The following FBXO44 variants were observed in gnomAD, a reference collection of about 807,000 sequenced individuals.
FBXO44 encodes F-box only protein 44.
FBXO44 carries 25 observed loss-of-function variants against 33.5 expected under a neutral mutation model. The observed-to-expected ratio is 0.75, with a 90% CI of 0.54 to 1.04. The LOEUF (loss-of-function observed/expected upper bound fraction) is 1.04. Among genes scored for constraint, FBXO44 ranks in the 50% least tolerant of loss-of-function variants. FBXO44 has a pLI of 0.00. For missense variants in FBXO44, 311 were observed against 344.0 expected (o/e 0.90, Z 0.76); for synonymous variants, 147 against 152.8 (o/e 0.96, Z 0.28).
chr1:11,661,597 T>C lies in FBXO44; in HGVS notation c.*324T>C, dbSNP rs1640195109. 7.8e-6 allele frequency: 3 copies of C among 384,876 alleles called. No individual in the cohort carries two copies. The highest frequency in any genetic ancestry group is 6.0e-5 in the African/African-American group (3 of 49,682). The allele number at this position is 384,876 out of a possible 1,614,324, so 23.8% of individuals were successfully genotyped here. On this transcript the variant is annotated 3_prime_UTR_variant, in exon 6 of 6. Transcript: ENST00000251547. The surrounding 1 kb of genome is among the most constrained non-coding windows in gnomAD (Gnocchi z 4.4). ...AGTCGAGCTTGGAGGCCAGCCTGGA[T>C]CTGTCTCTCCCTTCCCCTCCTGGGA...
chr1:11,657,669 A>G (rs1336624929), intron 2 of FBXO44, among the ~76,000 whole-genome samples: 1 of 152,208 alleles, frequency 6.6e-6, no homozygotes, highest in East Asian at 1.9e-4. Context: ...GGAACCCAGG[A>G]GGCAGAGGTT....
Position 11,655,949 on chromosome 1 carries a change from G to T in FBXO44, c.114G>T (p.Arg38=), listed in dbSNP as rs376642695. ...LNCRLVCSLW[R]DLIDLVTLWK... ...GCCGCCTGGTCTGCAGCCTCTGGCG[G>T]GACCTCATCGACCTCGTGACCCTCT... is the stretch of plus-strand genomic sequence containing the variant. Residue 38 remains arginine, a synonymous_variant, in exon 2 of 6, where the codon CGG becomes CGT. Coordinates refer to ENST00000251547, the MANE Select transcript of FBXO44 (RefSeq NM_033182.7). 8.7e-6 allele frequency: 14 copies of T among 1,614,082 alleles called. No homozygotes were observed. Among genetic ancestry groups the T allele is most frequent in the African/African-American group, 8.0e-5 (6 of 75,056 alleles).
At chr1:11,656,386 G>T (rs1272200611) in intron 2 of FBXO44, among the ~76,000 whole-genome samples, 1 of 145,312 alleles carries the variant, frequency 6.9e-6, no homozygotes, top group Admixed American at 7.0e-5. Flanking sequence ...CACAATCTTG[G>T]CTCACTGTAA....
chr1:11,661,433 C>A lies in FBXO44; in HGVS notation c.*160C>A. Reference sequence around the variant, plus strand: ...GTGGAGCCTCTCAGTGTGGGCAGCCCTCGCATGCTGGGGTCGGGCCAGCTC... The same window carrying A: ...GTGGAGCCTCTCAGTGTGGGCAGCCATCGCATGCTGGGGTCGGGCCAGCTC... On this transcript the variant is annotated 3_prime_UTR_variant, in exon 6 of 6. Transcript: ENST00000251547. This position sits in a 1 kb window ranked among gnomAD's most constrained non-coding sequence, Gnocchi z 4.4. 1.8e-6 allele frequency: 2 copies of A among 1,121,884 alleles called. No homozygotes were observed. The highest frequency in any genetic ancestry group is 2.5e-5 in the East Asian group (1 of 39,420). 69.5% of individuals were successfully genotyped at this position (1,121,884 alleles called of 1,614,324 possible).
At position 11,658,351 on chromosome 1, in the gene FBXO44, T is replaced by A; in HGVS notation, c.350T>A (p.Phe117Tyr). ...EDLSRDQRKE[F>Y]PNDQVKKYFV... Reference sequence around the variant, plus strand: ...CTCTCTCGAGACCAGAGGAAGGAATTCCCCAATGACCAGGTCAAGAAATAC... The same window carrying A: ...CTCTCTCGAGACCAGAGGAAGGAATACCCCAATGACCAGGTCAAGAAATAC... The change falls in exon 3 of 6, where the codon TTC (phenylalanine) becomes TAC (tyrosine). Residue 117 changes from phenylalanine to tyrosine, a missense_variant. Coordinates refer to ENST00000251547, the MANE Select transcript of FBXO44 (RefSeq NM_033182.7). The A allele has an allele frequency of 6.2e-7, 1 of 1,613,340 alleles. No individual in the cohort carries two copies. The highest frequency in any genetic ancestry group is 8.5e-7 in the Non-Finnish European group (1 of 1,179,800).
chr1:11,659,181 A>C (rs1400668749), intron 5 of FBXO44, among the ~76,000 whole-genome samples: 14 of 152,242 alleles, frequency 9.2e-5, no homozygotes, highest in Admixed American at 9.2e-4. Flanking sequence ...TGAGGTTGGG[A>C]GTTCGAGACC....
intron 1 of FBXO44, 80 bp downstream of exon 1, chr1:11,655,032 C>T (rs1164889863): frequency 2.0e-5 from 3 of 152,160 alleles, no homozygotes; most frequent in Non-Finnish European, 4.4e-5. Context: ...CTCCTGGGTT[C>T]CGGGTCGCGC....
At chr1:11,658,137 C>T (rs1039672772) in intron 2 of FBXO44, 130 bp from the exon 3 acceptor site, 3 of 1,468,438 alleles carry the variant, frequency 2.0e-6, no homozygotes, top group East Asian at 2.3e-5. Flanking sequence ...CTGTGATCTG[C>T]AGCGTCCCAC....
In FBXO44 at chr1:11,661,252, C is replaced by G. The variant is rs1179386809; in HGVS notation, c.747C>G (p.Thr249=). 8 of 1,614,060 alleles carry G rather than the reference C, an allele frequency of 5.0e-6. No individual in the cohort carries two copies. In the East Asian group the frequency reaches 1.6e-4, roughly 31 times the overall value. ...YGPRVTNSSI[T]IGPPLP ...CGAGGGTCACCAACAGCAGCATCAC[C>G]ATCGGGCCCCCGCTGCCCTGACACC... Residue 249 remains threonine (T), a synonymous_variant, in exon 6 of 6, where the codon ACC becomes ACG. Transcript: ENST00000251547. The surrounding 1 kb of genome is among the most constrained non-coding windows in gnomAD (Gnocchi z 4.4).
In FBXO44 at chr1:11,661,470, T is replaced by C. The variant is rs542191974; in HGVS notation, c.*197T>C. The C allele has an allele frequency of 1.3e-4, 95 of 714,926 alleles. No homozygotes were observed. In the South Asian group the frequency reaches 2.2e-3, roughly 17 times the overall value. The allele number at this position is 714,926 out of a possible 1,614,324, so 44.3% of individuals were successfully genotyped here. On this transcript the variant is annotated 3_prime_UTR_variant, in exon 6 of 6. Transcript: ENST00000251547. The surrounding 1 kb of genome is among the most constrained non-coding windows in gnomAD (Gnocchi z 4.4). ...GGTCGGGCCAGCTCTCCCCGAAAGG[T>C]CTTGACCTGAATGATGGCCGGGGAA...
intron 2 of FBXO44, 88 bp from the exon 3 acceptor site, chr1:11,658,179 C>A: frequency 6.3e-7 from 1 of 1,589,098 alleles, no homozygotes; most frequent in Non-Finnish European, 8.5e-7. Flanking sequence ...CGCCAAGATG[C>A]AGGCAGAGGA....
intron 2 of FBXO44, 60 bp from the exon 3 acceptor site, chr1:11,658,207 T>C: frequency 6.2e-7 from 1 of 1,605,330 alleles, no homozygotes; most frequent in Non-Finnish European, 8.5e-7. Context: ...GGAAGGGGCA[T>C]TTGGGAGAAG....
At position 11,655,827 on chromosome 1, in the gene FBXO44, C is replaced by T; in HGVS notation, c.-9C>T. On this transcript the variant is annotated 5_prime_UTR_variant, in exon 2 of 6. Coordinates refer to ENST00000251547, the MANE Select transcript of FBXO44 (RefSeq NM_033182.7). ...ACAGCTACAGGAGGGTGTCCAGAAGCCACAAGCCATGGCTGTGGGGAACAT... is the reference window on the plus strand; with the variant it reads ...ACAGCTACAGGAGGGTGTCCAGAAGTCACAAGCCATGGCTGTGGGGAACAT... 1 of 1,612,228 alleles carries T rather than the reference C, an allele frequency of 6.2e-7. No homozygotes were observed. Among genetic ancestry groups the T allele is most frequent in the Non-Finnish European group, 8.5e-7 (1 of 1,178,718 alleles).
At chr1:11,657,357 C>A (rs1303575116) in intron 2 of FBXO44, among the ~76,000 whole-genome samples, 10 of 152,126 alleles carry the variant, frequency 6.6e-5, no homozygotes, top group Non-Finnish European at 1.3e-4. Context: ...AGAGGAAAAG[C>A]AACTGGCCTG....
intron 5 of FBXO44, among the ~76,000 whole-genome samples, 162 bp from the exon 6 acceptor site, chr1:11,660,968 T>C (rs12047253): frequency 0.18 from 24,020 of 131,760 alleles, 2,363 homozygotes; most frequent in Admixed American, 0.26. Flanking sequence ...GTAGAGATGG[T>C]ATCTCACTCT....
rs376031830 is a variant in FBXO44, at chr1:11,659,482, ATTTG to A, written c.624+631_624+634del. ...GTTTTCTAGACTGGGGTCAGCAAAT[ATTTG>A]TTTGTTTGTTTGTTTGTTTTAATTT... is the stretch of plus-strand genomic sequence containing the variant. On this transcript the variant is annotated intron_variant, in intron 5 of 5. Coordinates refer to ENST00000251547, the MANE Select transcript of FBXO44 (RefSeq NM_033182.7). 1.5e-3 allele frequency among the ~76,000 whole-genome samples: 232 copies of A among 152,208 alleles called. 1 individual carries two copies. The highest frequency in any genetic ancestry group is 4.8e-3 in the African/African-American group (201 of 41,520).
rs905023614 is a variant in FBXO44, at chr1:11,659,748, A to C, written c.624+877A>C. The stretch of plus-strand genomic sequence containing the variant: ...TGGCCTCAAGTCATCCTTCTGCCTC[A>C]GCCTCCCAAAGTGCTGGAACTACAG... On this transcript the variant is annotated intron_variant, in intron 5 of 5. Coordinates refer to ENST00000251547, the MANE Select transcript of FBXO44 (RefSeq NM_033182.7). Among the ~76,000 whole-genome samples, 16 of 152,170 alleles carry C rather than the reference A, an allele frequency of 1.1e-4. 1 individual carries two copies. The highest frequency in any genetic ancestry group is 1.0e-3 in the Admixed American group (16 of 15,274).
At chr1:11,656,492 C>G (rs190371744) in intron 2 of FBXO44, among the ~76,000 whole-genome samples, 6,700 of 149,744 alleles carry the variant, frequency 0.045, 187 homozygotes, top group South Asian at 0.086. Flanking sequence ...GATGGAGTCT[C>G]GCTCTGTTGC....
intron 1 of FBXO44, 177 bp from the exon 2 acceptor site, chr1:11,655,629 T>C (rs1392158031): frequency 1.6e-6 from 1 of 633,642 alleles, no homozygotes; most frequent in Non-Finnish European, 2.7e-6. Context: ...GAGAAAAAAA[T>C]CAGAGCTCAC....
Sources: gnomAD v4.1 joint callset for allele counts (sites outside exome capture counted in the v4.1 genomes callset) on GRCh38, gnomAD v4.1.1 for gene constraint, Gnocchi (gnomAD v3.1) non-coding constraint, MANE v1.5 for transcripts, NCBI Gene and HGNC (gene_info 2026-07-23, HGNC 2026-07-21) for gene names.